The following C1orf87 variants were observed in gnomAD, a reference collection of about 807,000 sequenced individuals.
C1orf87 encodes uncharacterized protein C1orf87.
In C1orf87, 58 loss-of-function variants were observed where a neutral mutation model predicts 60.5. The observed-to-expected ratio is 0.96, with a 90% confidence interval of 0.78 to 1.19. The LOEUF (loss-of-function observed/expected upper bound fraction) is 1.19. Among genes scored for constraint, C1orf87 ranks in the 50% most tolerant of loss-of-function variants. The probability of loss-of-function intolerance (pLI) is 0.00; values close to 1 mark genes in which losing one functional copy is unlikely to be tolerated. For synonymous variants in C1orf87, 236 were observed against 227.4 expected (o/e 1.04, Z -0.34); for missense variants, 673 against 638.6 (o/e 1.05, Z -0.58).
rs750729745 is a variant in C1orf87, at chr1:60,010,432, C to A, written c.1152G>T (p.Leu384=). 6.2e-7 allele frequency: 1 copy of A among 1,612,434 alleles called. No homozygotes were observed. The highest frequency in any genetic ancestry group is 1.3e-5 in the African/African-American group (1 of 74,880). The change falls in exon 9 of 12, where the codon CTG becomes CTT. Residue 384 remains leucine, a synonymous_variant. Coordinates refer to ENST00000371201, the MANE Select transcript of C1orf87 (RefSeq NM_152377.3). ...ATAACAAATCAGAAGAAGCTCTGGT[C>A]AGCATCTCAACAAAATTCTGCCATC... ...EIKWQNFVEM[L]TRASSDLLSD... is the part of the protein sequence containing the mutation.
chr1:60,072,399 T>C, intron 2 of C1orf87, 138 bp downstream of exon 2: 1 of 600,998 alleles, frequency 1.7e-6, no homozygotes, highest in Non-Finnish European at 2.9e-6. Flanking sequence ...TCAACACGAT[T>C]TTACCTCTAC....
rs754069397 is a variant in C1orf87 at position 60,041,179 on chromosome 1, G to C, written c.343-48C>G. On this transcript the variant is annotated intron_variant, in intron 3 of 11. Coordinates refer to ENST00000371201, the MANE Select transcript of C1orf87 (RefSeq NM_152377.3). ...GAAGCAAGGAGCAGAAGAGGAGGTA[G>C]GGAAGAGAAAGAGGAAAGAATGGAG... 3 of 1,427,864 alleles carry C rather than the reference G, an allele frequency of 2.1e-6. No homozygotes were observed. In the Admixed American group the frequency reaches 6.8e-5, roughly 32 times the overall value. 88.4% of individuals were successfully genotyped at this position (1,427,864 alleles called of 1,614,324 possible).
intron 7 of C1orf87, among the ~76,000 whole-genome samples, chr1:60,030,386 C>T (rs559416206): frequency 2.0e-5 from 3 of 152,294 alleles, no homozygotes; most frequent in South Asian, 4.1e-4. Flanking sequence ...AGAAGGAGGT[C>T]TTACAGTCCT....
chr1:60,061,776 CAAAAAAAAAAAA>C (rs57844722), intron 2 of C1orf87, among the ~76,000 whole-genome samples: 3 of 53,154 alleles, frequency 5.6e-5, no homozygotes, highest in Admixed American at 2.7e-4. Context: ...CCATCTCTAC[CAAAAAAAAAAAA>C]AAAAAAAAAA....
chr1:60,028,850 T>C (rs1401612782), intron 7 of C1orf87, among the ~76,000 whole-genome samples: 5 of 152,142 alleles, frequency 3.3e-5, no homozygotes, highest in Non-Finnish European at 7.4e-5. Flanking sequence ...CTTTTTTTTT[T>C]TCCACTCCCA....
chr1:60,068,299 C>A (rs1645562459), intron 2 of C1orf87, among the ~76,000 whole-genome samples: 1 of 152,150 alleles, frequency 6.6e-6, no homozygotes, highest in African/African-American at 2.4e-5. Context: ...CCAAAGATAG[C>A]CTTTGCATAT....
At chr1:60,033,768 T>C in intron 6 of C1orf87, 127 bp from the exon 7 acceptor site, 1 of 1,049,054 alleles carries the variant, frequency 9.5e-7, no homozygotes, top group Non-Finnish European at 1.4e-6. Context: ...ACGTAGGCCC[T>C]CTCAGTCTTG....
intron 8 of C1orf87, among the ~76,000 whole-genome samples, chr1:60,014,846 C>G (rs1444077227): frequency 6.6e-6 from 1 of 152,178 alleles, no homozygotes; most frequent in Non-Finnish European, 1.5e-5. Context: ...CCGTCTCTTA[C>G]CTGGTTAGCT....
At chr1:59,998,428 T>C (rs944111900) in intron 10 of C1orf87, among the ~76,000 whole-genome samples, 3 of 128,712 alleles carry the variant, frequency 2.3e-5, no homozygotes, top group Non-Finnish European at 4.9e-5. Context: ...CTTAGTATCC[T>C]AAATTCATTG....
At chr1:60,033,698 C>T (rs1645255653) in intron 6 of C1orf87, 57 bp from the exon 7 acceptor site, 20 of 1,548,972 alleles carry the variant, frequency 1.3e-5, no homozygotes, top group Non-Finnish European at 1.8e-5. Flanking sequence ...AAGGCAGCTG[C>T]ATGCTTTCCT....
At chr1:60,069,543 C>A (rs1183142669) in intron 2 of C1orf87, among the ~76,000 whole-genome samples, 1 of 152,184 alleles carries the variant, frequency 6.6e-6, no homozygotes, top group South Asian at 2.1e-4. Flanking sequence ...ACATTAGTCT[C>A]TTTTGCTCTT....
chr1:60,067,571 T>TTG (rs1244624571), intron 2 of C1orf87, among the ~76,000 whole-genome samples: 1 of 147,534 alleles, frequency 6.8e-6, no homozygotes, highest in African/African-American at 2.6e-5. Context: ...TTTTTTTTTT[T>TTG]TTTTTTTTTT....
chr1:60,064,154 C>T (rs1645516170), intron 2 of C1orf87, among the ~76,000 whole-genome samples: 1 of 148,230 alleles, frequency 6.7e-6, no homozygotes, highest in South Asian at 2.2e-4. Context: ...AGTTTTGGGA[C>T]TCAGACTGGC....
rs754774734 is a variant in C1orf87 at position 59,990,756 on chromosome 1, T to C, written c.1558A>G (p.Lys520Glu). Residue 520 changes from lysine (K) to glutamate (E), a missense_variant, in exon 12 of 12, where the codon AAA becomes GAA. Physicochemically the swap from Lys to Glu is moderately conservative, Grantham distance 56. Transcript: ENST00000371201. ...LIYNLSLSPQKIDQALRRFRS... is the reference protein window; with the variant it reads ...LIYNLSLSPQEIDQALRRFRS... Reference sequence around the variant, plus strand: ...AATCTGCGCAAGGCCTGGTCGATTTTCTGAGGGCTCAGGGACAGGTTGTAA... The same window carrying C: ...AATCTGCGCAAGGCCTGGTCGATTTCCTGAGGGCTCAGGGACAGGTTGTAA... 1.9e-6 allele frequency: 3 copies of C among 1,614,150 alleles called. No individual in the cohort carries two copies. In the East Asian group the frequency reaches 6.7e-5, roughly 36 times the overall value.
intron 8 of C1orf87, among the ~76,000 whole-genome samples, chr1:60,018,954 T>G (rs987883657): frequency 1.3e-5 from 2 of 152,252 alleles, no homozygotes; most frequent in Admixed American, 6.5e-5. Flanking sequence ...GGCTTTGTTT[T>G]ATTCATATCT....
chr1:60,064,859 T>A (rs1220323255), intron 2 of C1orf87, among the ~76,000 whole-genome samples: 5 of 88,402 alleles, frequency 5.7e-5, no homozygotes, highest in African/African-American at 9.3e-5. Context: ...TATATATTTA[T>A]TATATATAAA....
In C1orf87 at chr1:60,056,158, C is replaced by T. The variant is rs532413112; in HGVS notation, c.108-720G>A. 2.0e-3 allele frequency among the ~76,000 whole-genome samples: 302 copies of T among 152,094 alleles called. 1 individual carries two copies. The highest frequency in any genetic ancestry group is 2.7e-3 in the Non-Finnish European group (181 of 67,976). On this transcript the variant is annotated intron_variant, in intron 2 of 11. Transcript: ENST00000371201. ...ACTTGGGAGGCTGAGGCAGAAGAAT[C>T]GCTTGAACCCAGGAGGTGGAGGTTG...
chr1:60,046,136 ATTCC>A (rs1386839375), intron 3 of C1orf87, among the ~76,000 whole-genome samples: 1 of 136,070 alleles, frequency 7.3e-6, no homozygotes, highest in African/African-American at 2.8e-5. Flanking sequence ...ATCTTTTAAA[ATTCC>A]TTCCTTCCTT....
chr1:60,064,825 A>G (rs1317781250), intron 2 of C1orf87, among the ~76,000 whole-genome samples: 1 of 93,440 alleles, frequency 1.1e-5, no homozygotes, highest in African/African-American at 4.4e-5. Flanking sequence ...ATATAAATAT[A>G]TATTAAATAT....
Sources: allele counts gnomAD v4.1 joint callset (sites outside exome capture counted in the v4.1 genomes callset), GRCh38; gene constraint gnomAD v4.1.1; transcripts MANE v1.5; gene names NCBI Gene and HGNC (gene_info 2026-07-23, HGNC 2026-07-21).